ORC5: variants seen among roughly 807,000 people sequenced by gnomAD.
ORC5 encodes origin recognition complex subunit 5, also known as protein phosphatase 1, regulatory subunit 117.
Under a neutral mutation model 58.8 loss-of-function variants are expected in ORC5, and 39 were observed. That is an observed-to-expected ratio of 0.66 (90% CI 0.51 to 0.87). ORC5 has a LOEUF of 0.87. ORC5 is among the 40% of genes least tolerant of loss of function. The pLI is 0.00. For missense variants in ORC5, 493 were observed against 506.3 expected (o/e 0.97, Z 0.25); for synonymous variants, 218 against 177.6 (o/e 1.23, Z -1.81).
In ORC5 at chr7:104,169,313, C is replaced by T. The variant is rs76304209; in HGVS notation, c.825-788G>A. Among the ~76,000 whole-genome samples, 614 of 152,004 alleles carry T rather than the reference C, an allele frequency of 4.0e-3. 2 individuals carry two copies. Among genetic ancestry groups the T allele is most frequent in the Non-Finnish European group, 5.3e-3 (362 of 67,928 alleles). On this transcript the variant is annotated intron_variant, in intron 8 of 13. Coordinates refer to ENST00000297431, the MANE Select transcript of ORC5 (RefSeq NM_002553.4). ...GAGTCGAATCCTTGTAGGATGCTTG[C>T]AGAGTTCAAGGTATTTTAATTGCCC...
chr7:104,194,650 T>C (rs769278605), intron 5 of ORC5, among the ~76,000 whole-genome samples: 5 of 152,076 alleles, frequency 3.3e-5, no homozygotes, highest in Non-Finnish European at 7.4e-5. Flanking sequence ...AAGCGCAACA[T>C]GGTACTTAAC....
chr7:104,197,561 G>A (rs181228830), intron 4 of ORC5, among the ~76,000 whole-genome samples, 164 bp downstream of exon 4: 5 of 152,134 alleles, frequency 3.3e-5, no homozygotes, highest in Non-Finnish European at 2.9e-5. Flanking sequence ...ATCACCAACT[G>A]ATTTTACTAT....
In ORC5 at chr7:104,188,335, T is replaced by C; in HGVS notation, c.600A>G (p.Ser200=). Residue 200 remains serine (S), a synonymous_variant, in exon 6 of 14, where the codon TCA becomes TCG. Transcript: ENST00000297431. ...ILSHDHPPEY[S]ADFYAAYINI... is the part of the protein sequence containing the mutation. Reference sequence around the variant, plus strand: ...TAATGTAGGCAGCATAGAAATCAGCTGAATACTCTGGAGGATGATCATGGG... The same window carrying C: ...TAATGTAGGCAGCATAGAAATCAGCCGAATACTCTGGAGGATGATCATGGG... 6.2e-7 allele frequency: 1 copy of C among 1,611,442 alleles called. No homozygotes were observed. Among genetic ancestry groups the C allele is most frequent in the Non-Finnish European group, 8.5e-7 (1 of 1,177,840 alleles).
intron 2 of ORC5, among the ~76,000 whole-genome samples, chr7:104,201,634 A>G (rs950640852): frequency 4.5e-4 from 69 of 151,920 alleles, no homozygotes; most frequent in African/African-American, 1.4e-3. Flanking sequence ...TATTAAAAAA[A>G]AAAAAAAAAG....
intron 8 of ORC5, among the ~76,000 whole-genome samples, chr7:104,177,425 CA>C (rs1472992776): frequency 6.6e-6 from 1 of 152,076 alleles, no homozygotes; most frequent in Non-Finnish European, 1.5e-5. Context: ...AAAAAACTGA[CA>C]TGTGACAAAA....
At chr7:104,171,765 G>A (rs1243513435) in intron 8 of ORC5, among the ~76,000 whole-genome samples, 1 of 152,078 alleles carries the variant, frequency 6.6e-6, no homozygotes, top group Non-Finnish European at 1.5e-5. Flanking sequence ...CAGGTGGTAG[G>A]ATCACCTGGA....
chr7:104,157,558 A>G (rs901024309), intron 12 of ORC5, among the ~76,000 whole-genome samples: 5 of 152,070 alleles, frequency 3.3e-5, no homozygotes, highest in African/African-American at 1.2e-4. Context: ...TTGTTTTCTT[A>G]ACTGTGTAAT....
chr7:104,205,985 G>GA (rs1800072982), intron 1 of ORC5, among the ~76,000 whole-genome samples: 1 of 152,170 alleles, frequency 6.6e-6, no homozygotes, highest in African/African-American at 2.4e-5. Context: ...TCCAGCCTGG[G>GA]AAAGAAAGCC....
intron 13 of ORC5, among the ~76,000 whole-genome samples, chr7:104,132,876 C>A (rs550720148): frequency 5.9e-5 from 9 of 151,786 alleles, no homozygotes; most frequent in East Asian, 1.9e-4. Flanking sequence ...TGTGAGAAGG[C>A]GTCTTTAAGG....
At chr7:104,156,423 T>C (rs1461830432) in intron 12 of ORC5, among the ~76,000 whole-genome samples, 1 of 151,738 alleles carries the variant, frequency 6.6e-6, no homozygotes, top group Non-Finnish European at 1.5e-5. Flanking sequence ...AATACAATAT[T>C]GCTGCTAGTA....
Position 104,133,022 on chromosome 7 carries a change from G to A in ORC5, c.1262+3759C>T, listed in dbSNP as rs1189783720. On this transcript the variant is annotated intron_variant, in intron 13 of 13. Coordinates refer to ENST00000297431, the MANE Select transcript of ORC5 (RefSeq NM_002553.4). This position sits in a 1 kb window ranked among gnomAD's most constrained non-coding sequence, Gnocchi z 4.7. ...TAAAAAATGGAAAAAAGTGGTTAAA[G>A]TGCAGATACCGAGGAAAGAAGGTGT... Among the ~76,000 whole-genome samples the A allele has an allele frequency of 1.3e-5, 2 of 152,144 alleles. No homozygotes were observed. Among genetic ancestry groups the A allele is most frequent in the Non-Finnish European group, 1.5e-5 (1 of 68,030 alleles).
At chr7:104,160,517 T>G (rs1004367972) in intron 12 of ORC5, among the ~76,000 whole-genome samples, 2 of 152,192 alleles carry the variant, frequency 1.3e-5, no homozygotes, top group African/African-American at 4.8e-5. Flanking sequence ...AATTTGTTTT[T>G]TCTTAAAATG....
At chr7:104,150,263 C>T (rs909069204) in intron 12 of ORC5, among the ~76,000 whole-genome samples, 47 of 152,214 alleles carry the variant, frequency 3.1e-4, no homozygotes, top group African/African-American at 1.1e-3. Flanking sequence ...TAAGAAATAT[C>T]CTATCCTGCT....
chr7:104,142,577 T>G (rs1798690201), intron 12 of ORC5, among the ~76,000 whole-genome samples: 1 of 151,980 alleles, frequency 6.6e-6, no homozygotes. Context: ...ATAAAAAGAC[T>G]GAAAAAATCA....
intron 12 of ORC5, among the ~76,000 whole-genome samples, chr7:104,149,513 TTCA>T (rs1453926987): frequency 6.7e-6 from 1 of 150,330 alleles, no homozygotes; most frequent in East Asian, 1.9e-4. Context: ...GGATTCAGAT[TTCA>T]TGTTAGAAAA....
Position 104,126,862 on chromosome 7 carries a change from A to G in ORC5, c.1294T>C (p.Tyr432His). ...GAAGCTTGTTTTCACAAGAAATCATACAAGTATTTTATTATGTCAAAGTTC... is the reference window on the plus strand; with the variant it reads ...GAAGCTTGTTTTCACAAGAAATCATGCAAGTATTTTATTATGTCAAAGTTC... ...TVNFDIIKYL[Y>H]DFL is the part of the protein sequence containing the mutation. Residue 432 changes from tyrosine (Y) to histidine (H), a missense_variant, in exon 14 of 14, where the codon TAT (tyrosine) becomes CAT (histidine). By Grantham distance (83) the Tyr-to-His change is moderately conservative. Coordinates refer to ENST00000297431, the MANE Select transcript of ORC5 (RefSeq NM_002553.4). The G allele has an allele frequency of 1.2e-6, 2 of 1,607,706 alleles. No homozygotes were observed. The highest frequency in any genetic ancestry group is 8.5e-7 in the Non-Finnish European group (1 of 1,175,548).
chr7:104,195,089 A>C, intron 5 of ORC5, 54 bp downstream of exon 5: 2 of 900,412 alleles, frequency 2.2e-6, no homozygotes, highest in Non-Finnish European at 3.4e-6. Context: ...TCTTTCAAAC[A>C]ACAAAAACTA....
In ORC5 at chr7:104,137,517, A is replaced by C. The variant is rs577491968; in HGVS notation, c.1150-624T>G. On this transcript the variant is annotated intron_variant, in intron 12 of 13. Transcript: ENST00000297431. ...TTCAGTTTTTGTGCCTAAATATTAC[A>C]TTTTCCAAGACCACCCTGGCTACCA... Among the ~76,000 whole-genome samples, 97 of 151,924 alleles carry C rather than the reference A, an allele frequency of 6.4e-4. 1 individual carries two copies. The highest frequency in any genetic ancestry group is 2.3e-3 in the African/African-American group (94 of 41,414).
At chr7:104,141,229 C>A (rs1037237740) in intron 12 of ORC5, among the ~76,000 whole-genome samples, 16 of 152,268 alleles carry the variant, frequency 1.1e-4, no homozygotes, top group African/African-American at 3.9e-4. Context: ...GCCTCTAGCA[C>A]TAAGATACAG....
Sources: gnomAD v4.1 joint callset for allele counts (sites outside exome capture counted in the v4.1 genomes callset) on GRCh38, gnomAD v4.1.1 for gene constraint, Gnocchi (gnomAD v3.1) non-coding constraint, MANE v1.5 for transcripts, NCBI Gene and HGNC (gene_info 2026-07-23, HGNC 2026-07-21) for gene names.